The following EYS variants were observed in gnomAD, a reference collection of about 807,000 sequenced individuals.
EYS encodes EGF-like photoreceptor maintenance factor.
In EYS, 250 loss-of-function variants were observed where a neutral mutation model predicts 282.1. The observed-to-expected ratio is 0.89, with a 90% CI of 0.80 to 0.98. The LOEUF is 0.98. Among genes scored for constraint, EYS ranks in the 50% least tolerant of loss-of-function variants. The pLI is 0.00. For synonymous variants in EYS, 1,355 were observed against 1,282.9 expected (o/e 1.06, Z -1.20); for missense variants, 4,016 against 3,709.0 (o/e 1.08, Z -2.15).
At chr6:64,041,696 G>C (rs1431471552) in intron 33 of EYS, among the ~76,000 whole-genome samples, 5 of 152,144 alleles carry the variant, frequency 3.3e-5, no homozygotes, top group African/African-American at 1.2e-4. Flanking sequence ...GATGGAAATT[G>C]GAGAAACTGT....
intron 29 of EYS, among the ~76,000 whole-genome samples, chr6:64,331,803 G>A (rs943169406): frequency 5.3e-5 from 8 of 152,182 alleles, no homozygotes; most frequent in South Asian, 4.1e-4. Context: ...GAGCTACACC[G>A]TGTGAAAACC....
intron 26 of EYS, among the ~76,000 whole-genome samples, chr6:64,506,381 T>C (rs1777205506): frequency 6.6e-6 from 1 of 152,194 alleles, no homozygotes; most frequent in Non-Finnish European, 1.5e-5. Context: ...ATTTCCTAAA[T>C]GTGATAGCTT....
chr6:64,627,929 A>C, intron 22 of EYS, among the ~76,000 whole-genome samples: 1 of 152,000 alleles, frequency 6.6e-6, no homozygotes, highest in Non-Finnish European at 1.5e-5. Context: ...AAATACAAAA[A>C]ATTAGCCGGG....
At chr6:64,364,053 T>G (rs1772112089) in intron 29 of EYS, among the ~76,000 whole-genome samples, 1 of 151,392 alleles carries the variant, frequency 6.6e-6, no homozygotes, top group Non-Finnish European at 1.5e-5. Flanking sequence ...TCTATCATCT[T>G]CAACATTTCA....
intron 2 of EYS, among the ~76,000 whole-genome samples, chr6:65,615,073 G>A (rs1445818282): frequency 9.2e-5 from 14 of 152,112 alleles, no homozygotes; most frequent in Non-Finnish European, 2.9e-5. Flanking sequence ...TTCAATCATC[G>A]TGTTTGCTAT....
At chr6:64,340,973 T>C (rs1771080640) in intron 29 of EYS, among the ~76,000 whole-genome samples, 1 of 151,854 alleles carries the variant, frequency 6.6e-6, no homozygotes, top group Non-Finnish European at 1.5e-5. Flanking sequence ...ATGCTCATTG[T>C]CACTAATCAT....
intron 22 of EYS, among the ~76,000 whole-genome samples, chr6:64,654,935 G>A (rs536328195): frequency 3.9e-5 from 6 of 152,262 alleles, no homozygotes; most frequent in African/African-American, 1.2e-4. Context: ...ACCACAGGAT[G>A]TCTTGACATT....
At chr6:65,321,207 TG>T (rs1769466780) in intron 11 of EYS, among the ~76,000 whole-genome samples, 1 of 150,684 alleles carries the variant, frequency 6.6e-6, no homozygotes, top group Admixed American at 6.7e-5. Context: ...TGATTTAAAA[TG>T]GTGGCCAAGA....
chr6:65,402,679 G>A (rs1042861228), intron 6 of EYS, 74 bp from the exon 7 acceptor site: 1 of 968,046 alleles, frequency 1.0e-6, no homozygotes, highest in African/African-American at 1.7e-5. Flanking sequence ...TTCTTACCTG[G>A]AGAAGGGTTA....
intron 32 of EYS, among the ~76,000 whole-genome samples, chr6:64,078,173 T>C (rs1037365806): frequency 6.6e-6 from 1 of 152,022 alleles, no homozygotes; most frequent in African/African-American, 2.4e-5. Flanking sequence ...TGATTTGATA[T>C]AAAATACAAT....
intron 12 of EYS, among the ~76,000 whole-genome samples, chr6:65,105,027 CAT>C (rs938688428): frequency 6.6e-5 from 10 of 151,582 alleles, no homozygotes; most frequent in African/African-American, 1.5e-4. Context: ...TCTTTCCACA[CAT>C]GTGTGATATA....
chr6:65,310,048 C>T (rs1406755722), intron 11 of EYS, among the ~76,000 whole-genome samples: 1 of 152,162 alleles, frequency 6.6e-6, no homozygotes, highest in African/African-American at 2.4e-5. Context: ...TTGCACTGGA[C>T]TATACACACT....
intron 13 of EYS, among the ~76,000 whole-genome samples, chr6:65,024,450 C>T (rs1447675116): frequency 6.6e-6 from 1 of 152,224 alleles, no homozygotes; most frequent in Admixed American, 6.5e-5. Context: ...AGCCAGGCTT[C>T]TGTCCAGGCC....
chr6:64,078,710 T>G (rs1361017979), intron 32 of EYS, among the ~76,000 whole-genome samples: 3 of 152,076 alleles, frequency 2.0e-5, no homozygotes, highest in African/African-American at 7.2e-5. Flanking sequence ...ACAGTGGGAT[T>G]ATTTTCTTAC....
chr6:64,081,602 T>G (rs1264420311), intron 32 of EYS, among the ~76,000 whole-genome samples: 1 of 152,206 alleles, frequency 6.6e-6, no homozygotes, highest in Non-Finnish European at 1.5e-5. Flanking sequence ...TATAGCCATA[T>G]GCTGTCAAAT....
rs1013009967 is a variant in EYS, at chr6:64,800,905, C to T, written c.3443+12473G>A. Among the ~76,000 whole-genome samples the T allele has an allele frequency of 1.2e-4, 18 of 151,998 alleles. No homozygotes were observed. The South Asian group carries it at 1.5e-3, about 12-fold the overall frequency. On this transcript the variant is annotated intron_variant, in intron 22 of 42. Transcript: ENST00000503581. ...TTTTGAACATTTTTTCACAATTGCA[C>T]GTCAGATTAATCTGCTATAATAGAA...
chr6:64,638,937 C>T lies in EYS; in HGVS notation c.3444-12692G>A, dbSNP rs1582984241. ...TTCTTTCCTTGTTTACCTCCCTGCC[C>T]CCTCTAGTAGATTTTCAGGGTTGCC... On this transcript the variant is annotated intron_variant, in intron 22 of 42. Coordinates refer to ENST00000503581, the MANE Select transcript of EYS (RefSeq NM_001142800.2). Among the ~76,000 whole-genome samples, 4 of 87,180 alleles carry T rather than the reference C, an allele frequency of 4.6e-5. 2 individuals carry two copies. Among genetic ancestry groups the T allele is most frequent in the African/African-American group, 2.0e-4 (4 of 19,788 alleles). The allele number at this position is 87,180 out of a possible 152,430, so 57.2% of individuals were successfully genotyped here.
At chr6:63,779,723 G>T (rs10455430) in intron 39 of EYS, among the ~76,000 whole-genome samples, 77,021 of 150,610 alleles carry the variant, frequency 0.51, 21,620 homozygotes, top group African/African-American at 0.74. Context: ...ACTTTTTTTT[G>T]GAGGCATAAA....
At position 63,736,436 on chromosome 6, in the gene EYS, A is replaced by G. The variant is rs543088393; in HGVS notation, c.8072-9756T>C. On this transcript the variant is annotated intron_variant, in intron 41 of 42. Transcript: ENST00000503581. ...ATTTCTGAGGGCTCTGTTCTGTTCC[A>G]TTGATCTATATCTCTGTTTTGGTAC... is the stretch of plus-strand genomic sequence containing the variant. Among the ~76,000 whole-genome samples, 855 of 152,014 alleles carry G rather than the reference A, an allele frequency of 5.6e-3. 22 individuals are homozygous for G. The highest frequency in any genetic ancestry group is 9.1e-4 in the Non-Finnish European group (62 of 67,950).
Sources: gnomAD v4.1 joint callset for allele counts (sites outside exome capture counted in the v4.1 genomes callset) on GRCh38, gnomAD v4.1.1 for gene constraint, MANE v1.5 for transcripts, NCBI Gene and HGNC (gene_info 2026-07-23, HGNC 2026-07-21) for gene names.